CDH12: variants seen among roughly 807,000 people sequenced by gnomAD.
CDH12 encodes the protein cadherin-12.
CDH12 carries 41 observed loss-of-function variants against 74.1 expected under a neutral mutation model. The observed-to-expected ratio is 0.55, with a 90% CI of 0.43 to 0.72. The LOEUF is 0.72. Ranked by LOEUF, CDH12 falls within the 30% of genes least tolerant of loss-of-function variation. The probability of loss-of-function intolerance (pLI) is 0.00; values close to 1 mark genes in which losing one functional copy is unlikely to be tolerated. For synonymous variants in CDH12, 399 were observed against 355.0 expected, an observed-to-expected ratio of 1.12 and a Z score of -1.39; for missense variants, 945 against 977.2, an observed-to-expected ratio of 0.97 and a Z score of 0.44.
At chr5:22,026,721 C>T (rs997064843) in intron 5 of CDH12, among the ~76,000 whole-genome samples, 1 of 152,138 alleles carries the variant, frequency 6.6e-6, no homozygotes, top group Admixed American at 6.6e-5. Context: ...CCTGACAACA[C>T]TGGATGTGCC....
At chr5:21,876,723 A>G (rs1751957143) in intron 6 of CDH12, among the ~76,000 whole-genome samples, 1 of 60,566 alleles carries the variant, frequency 1.7e-5, no homozygotes, top group South Asian at 5.7e-4. Context: ...TCAAAAATGT[A>G]AATTTAATTT....
intron 11 of CDH12, among the ~76,000 whole-genome samples, chr5:21,780,801 A>G (rs1745864669): frequency 6.6e-6 from 1 of 152,180 alleles, no homozygotes; most frequent in Non-Finnish European, 1.5e-5. Context: ...TTATAAAACG[A>G]AAGTGGATTT....
chr5:21,833,222 TGTTATATAACA>T (rs1749251703), intron 8 of CDH12, among the ~76,000 whole-genome samples: 2 of 46,270 alleles, frequency 4.3e-5, no homozygotes, highest in Non-Finnish European at 6.0e-5. Flanking sequence ...ATATATTATA[TGTTATATAACA>T]TATAATATAT....
Position 22,196,373 on chromosome 5 carries a change from G to A in CDH12, c.-187+16125C>T, listed in dbSNP as rs192998724. ...TTGGCCAGGATGGTCTCGATCTCTC[G>A]ACCTCATGATCTGCCCACCTCGGCC... On this transcript the variant is annotated intron_variant, in intron 4 of 14. Transcript: ENST00000382254. 1.8e-3 allele frequency among the ~76,000 whole-genome samples: 274 copies of A among 152,022 alleles called. 3 individuals carry two copies. Among genetic ancestry groups the A allele is most frequent in the African/African-American group, 6.4e-3 (267 of 41,462 alleles).
At chr5:22,131,514 A>G (rs1007859025) in intron 4 of CDH12, among the ~76,000 whole-genome samples, 1 of 152,090 alleles carries the variant, frequency 6.6e-6, no homozygotes, top group Non-Finnish European at 1.5e-5. Context: ...TAGAACTGGA[A>G]TGGCAAAATT....
chr5:22,067,933 G>A (rs571104486), intron 5 of CDH12, among the ~76,000 whole-genome samples: 25 of 151,988 alleles, frequency 1.6e-4, no homozygotes, highest in African/African-American at 5.5e-4. Context: ...AGCAGAGATC[G>A]CACCACTGCA....
At chr5:22,574,039 T>G (rs1580778344) in intron 1 of CDH12, among the ~76,000 whole-genome samples, 4 of 151,920 alleles carry the variant, frequency 2.6e-5, no homozygotes, top group African/African-American at 7.2e-5. Flanking sequence ...TTACCTTAAG[T>G]CTTTTTCATG....
At chr5:22,109,626 A>T (rs367976911) in intron 4 of CDH12, among the ~76,000 whole-genome samples, 1 of 152,234 alleles carries the variant, frequency 6.6e-6, no homozygotes, top group African/African-American at 2.4e-5. Context: ...ACAGTCCTTA[A>T]CAGTAATCAA....
At chr5:21,950,439 A>C (rs1008659894) in intron 6 of CDH12, among the ~76,000 whole-genome samples, 28 of 152,112 alleles carry the variant, frequency 1.8e-4, no homozygotes, top group Admixed American at 1.3e-4. Flanking sequence ...AACAGAAACA[A>C]ACAGAAACAA....
In CDH12 at chr5:22,728,835, G is replaced by C. The variant is rs561327457; in HGVS notation, c.-523+124223C>G. Reference sequence around the variant, plus strand: ...CTAATTCTAGCTTGAGCCCTCCACCGTCATGACCTAATTACCCACACACAG... The same window carrying C: ...CTAATTCTAGCTTGAGCCCTCCACCCTCATGACCTAATTACCCACACACAG... On this transcript the variant is annotated intron_variant, in intron 1 of 14. Coordinates refer to ENST00000382254, the MANE Select transcript of CDH12 (RefSeq NM_004061.5). Among the ~76,000 whole-genome samples the C allele has an allele frequency of 4.0e-5, 6 of 151,754 alleles. No homozygotes were observed. In the South Asian group the frequency reaches 1.2e-3, roughly 32 times the overall value.
chr5:22,438,519 C>G (rs576217674), intron 2 of CDH12, among the ~76,000 whole-genome samples: 1 of 152,140 alleles, frequency 6.6e-6, no homozygotes, highest in South Asian at 2.1e-4. Context: ...TTTCTCTAGA[C>G]TTACACTGTC....
At chr5:22,733,999 C>T (rs1302875535) in intron 1 of CDH12, among the ~76,000 whole-genome samples, 2 of 151,934 alleles carry the variant, frequency 1.3e-5, no homozygotes, top group Admixed American at 6.6e-5. Context: ...CAGGATTGAA[C>T]AGATCCAGAG....
At chr5:22,285,181 T>C (rs2150409684) in intron 3 of CDH12, among the ~76,000 whole-genome samples, 1 of 152,284 alleles carries the variant, frequency 6.6e-6, no homozygotes, top group South Asian at 2.1e-4. Context: ...CTCTACTTAA[T>C]GGTGAAGAAA....
intron 1 of CDH12, among the ~76,000 whole-genome samples, chr5:22,691,988 G>A (rs919083121): frequency 6.6e-6 from 1 of 152,082 alleles, no homozygotes; most frequent in Non-Finnish European, 1.5e-5. Context: ...ATATAGTTTG[G>A]ATATTTGTCC....
At chr5:22,775,373 G>T (rs1266678883) in intron 1 of CDH12, among the ~76,000 whole-genome samples, 1 of 152,034 alleles carries the variant, frequency 6.6e-6, no homozygotes, top group East Asian at 1.9e-4. Flanking sequence ...GGCTCATAGT[G>T]GTTCACAATG....
Position 22,294,885 on chromosome 5 carries a change from A to G in CDH12, c.-332-82242T>C, listed in dbSNP as rs12659838. ...TCTCTTAGCCTCTTGCCAGCTTTAC[A>G]TGGCAGGAACAACTTTCCCAAGAAC... On this transcript the variant is annotated intron_variant, in intron 3 of 14. Transcript: ENST00000382254. 0.015 allele frequency among the ~76,000 whole-genome samples: 2,356 copies of G among 152,278 alleles called. 185 individuals are homozygous for G. In the East Asian group the frequency reaches 0.25, roughly 16 times the overall value.
At chr5:21,892,959 A>G (rs1040373579) in intron 6 of CDH12, among the ~76,000 whole-genome samples, 1 of 152,200 alleles carries the variant, frequency 6.6e-6, no homozygotes, top group Non-Finnish European at 1.5e-5. Flanking sequence ...ACAACCAGCA[A>G]AGCTTCACGT....
chr5:22,666,025 A>C (rs1740595642), intron 1 of CDH12, among the ~76,000 whole-genome samples: 2 of 152,238 alleles, frequency 1.3e-5, no homozygotes, highest in South Asian at 4.2e-4. Context: ...TGCATACTTC[A>C]CATTCCTACT....
At chr5:22,216,433 A>T (rs1021475199) in intron 3 of CDH12, among the ~76,000 whole-genome samples, 1 of 151,968 alleles carries the variant, frequency 6.6e-6, no homozygotes, top group African/African-American at 2.4e-5. Flanking sequence ...CTGTATACCA[A>T]TGTAGATTCA....
Sources: gnomAD v4.1 joint callset for allele counts (sites outside exome capture counted in the v4.1 genomes callset) on GRCh38, gnomAD v4.1.1 for gene constraint, MANE v1.5 for transcripts, NCBI Gene and HGNC (gene_info 2026-07-23, HGNC 2026-07-21) for gene names.